Variants in PARD3 observed in about 807,000 individuals in gnomAD.
The protein encoded by PARD3 is par-3 family cell polarity regulator.
In PARD3, 75 loss-of-function variants were observed where a neutral mutation model predicts 155.4. The ratio of observed to expected loss-of-function variants is 0.48; its 90% CI spans 0.40 to 0.58. PARD3 has a LOEUF of 0.58. Among genes scored for constraint, PARD3 ranks in the 20% least tolerant of loss-of-function variants. The pLI is 0.00. For synonymous variants in PARD3, 576 were observed against 610.5 expected, an observed-to-expected ratio of 0.94 and a Z score of 0.83; for missense variants, 1,642 against 1,721.7, an observed-to-expected ratio of 0.95 and a Z score of 0.82.
At chr10:34,388,104 G>A (rs901358732) in intron 7 of PARD3, among the ~76,000 whole-genome samples, 1 of 152,108 alleles carries the variant, frequency 6.6e-6, no homozygotes, top group African/African-American at 2.4e-5. Flanking sequence ...GATAGAGGGT[G>A]GAAGAAGACT....
intron 22 of PARD3, among the ~76,000 whole-genome samples, chr10:34,267,480 G>A (rs1955379762): frequency 6.6e-6 from 1 of 152,070 alleles, no homozygotes; most frequent in Non-Finnish European, 1.5e-5. Flanking sequence ...ATTTTCATAA[G>A]ACCATAAGGA....
chr10:34,302,071 C>T (rs780128499), intron 20 of PARD3, among the ~76,000 whole-genome samples: 3 of 152,082 alleles, frequency 2.0e-5, no homozygotes, highest in Non-Finnish European at 2.9e-5. Flanking sequence ...GAATGGCTAC[C>T]CACTATCTTT....
intron 3 of PARD3, among the ~76,000 whole-genome samples, chr10:34,494,853 C>T (rs1465453794): frequency 6.6e-6 from 1 of 152,136 alleles, no homozygotes; most frequent in Non-Finnish European, 1.5e-5. Flanking sequence ...TCACAGATCA[C>T]TGATGAAGCC....
intron 12 of PARD3, among the ~76,000 whole-genome samples, chr10:34,370,937 C>CA (rs1589339005): frequency 6.6e-6 from 1 of 151,622 alleles, no homozygotes; most frequent in African/African-American, 2.4e-5. Flanking sequence ...AATAAATGGG[C>CA]AATTGTTATA....
At chr10:34,521,134 G>T (rs764253668) in intron 2 of PARD3, among the ~76,000 whole-genome samples, 3 of 152,104 alleles carry the variant, frequency 2.0e-5, no homozygotes, top group Non-Finnish European at 2.9e-5. Flanking sequence ...CCACATGATG[G>T]AAGAGCTTAT....
chr10:34,456,054 G>A (rs1258353148), intron 4 of PARD3, among the ~76,000 whole-genome samples: 1 of 152,138 alleles, frequency 6.6e-6, no homozygotes, highest in Admixed American at 6.5e-5. Context: ...AAATGAAAGA[G>A]TATGTGTTTA....
intron 4 of PARD3, among the ~76,000 whole-genome samples, chr10:34,464,085 T>C (rs1337088553): frequency 1.3e-5 from 2 of 149,144 alleles, no homozygotes; most frequent in Non-Finnish European, 3.0e-5. Context: ...AATGTAACCA[T>C]ACTTTGTTTT....
chr10:34,504,577 C>CT (rs1184754407), intron 3 of PARD3, among the ~76,000 whole-genome samples: 2 of 152,116 alleles, frequency 1.3e-5, no homozygotes, highest in Non-Finnish European at 2.9e-5. Context: ...ATTTAGACTT[C>CT]TTTTTTTCCT....
rs541773617 is a variant in PARD3, at chr10:34,504,442, A to G, written c.403+12537T>C. On this transcript the variant is annotated intron_variant, in intron 3 of 24. Coordinates refer to ENST00000374788, the MANE Select transcript of PARD3 (RefSeq NM_001184785.2). ...TGTCCCCAAGATTAAAAAAAAAAAA[A>G]AAAGAAAAGTATTTGTTGATATGTA... is the stretch of plus-strand genomic sequence containing the variant. Among the ~76,000 whole-genome samples the G allele has an allele frequency of 3.3e-5, 5 of 151,988 alleles. No individual in the cohort carries two copies. In the East Asian group the frequency reaches 7.7e-4, roughly 23 times the overall value.
chr10:34,187,085 G>A (rs1164426508), intron 22 of PARD3, among the ~76,000 whole-genome samples: 2 of 152,210 alleles, frequency 1.3e-5, no homozygotes, highest in African/African-American at 4.8e-5. Flanking sequence ...AATGAGTGGT[G>A]TTTCAGTTTA....
chr10:34,164,627 A>G (rs1949434908), intron 22 of PARD3, among the ~76,000 whole-genome samples: 1 of 152,220 alleles, frequency 6.6e-6, no homozygotes, highest in Non-Finnish European at 1.5e-5. Context: ...GCTTTGAGAA[A>G]CATTTAAGCA....
At chr10:34,687,811 C>G (rs1309603234) in intron 2 of PARD3, among the ~76,000 whole-genome samples, 1 of 149,568 alleles carries the variant, frequency 6.7e-6, no homozygotes, top group African/African-American at 2.5e-5. Flanking sequence ...CCGCCACCTA[C>G]TGACTCCACA....
chr10:34,283,493 C>T (rs1956247950), intron 21 of PARD3, among the ~76,000 whole-genome samples: 1 of 152,132 alleles, frequency 6.6e-6, no homozygotes. Flanking sequence ...TTTCGAGTGC[C>T]TGCTTAGAGT....
chr10:34,230,154 GAGCAACC>G (rs1394854492), intron 22 of PARD3, among the ~76,000 whole-genome samples: 7 of 152,148 alleles, frequency 4.6e-5, no homozygotes, highest in African/African-American at 1.7e-4. Context: ...TTAATACATT[GAGCAACC>G]ACAAATCAAA....
At chr10:34,716,307 C>A (rs1431026175) in intron 1 of PARD3, among the ~76,000 whole-genome samples, 1 of 152,182 alleles carries the variant, frequency 6.6e-6, no homozygotes, top group Non-Finnish European at 1.5e-5. Flanking sequence ...TACAACTAGT[C>A]TGCACTGGTA....
intron 7 of PARD3, among the ~76,000 whole-genome samples, chr10:34,389,000 A>G (rs981328333): frequency 2.0e-5 from 3 of 152,156 alleles, no homozygotes; most frequent in Non-Finnish European, 4.4e-5. Context: ...TACCTTCCTT[A>G]TGAATCTAAG....
At chr10:34,761,809 C>T (rs902511156) in intron 1 of PARD3, among the ~76,000 whole-genome samples, 1 of 151,958 alleles carries the variant, frequency 6.6e-6, no homozygotes, top group Admixed American at 6.6e-5. Flanking sequence ...ACGATGAGTC[C>T]TAAAGGAACA....
chr10:34,702,963 T>C (rs1486925344), intron 1 of PARD3, among the ~76,000 whole-genome samples: 1 of 152,106 alleles, frequency 6.6e-6, no homozygotes, highest in Non-Finnish European at 1.5e-5. Context: ...AATCCATCAC[T>C]GGTATCCTGA....
At chr10:34,429,553 A>AGTTTT (rs58220151) in intron 5 of PARD3, among the ~76,000 whole-genome samples, 7,815 of 145,112 alleles carry the variant, frequency 0.054, 377 homozygotes, top group African/African-American at 0.13. Context: ...ACTCTAACTC[A>AGTTTT]GTTTTGTTTT....
Sources: gnomAD v4.1 joint callset for allele counts (sites outside exome capture counted in the v4.1 genomes callset) on GRCh38, gnomAD v4.1.1 for gene constraint, MANE v1.5 for transcripts, NCBI Gene and HGNC (gene_info 2026-07-23, HGNC 2026-07-21) for gene names.